Variants in MTX2 observed in about 807,000 individuals in gnomAD.
The protein encoded by MTX2 is metaxin 2.
MTX2 carries 35 observed loss-of-function variants against 42.3 expected under a neutral mutation model. The observed-to-expected ratio is 0.83, with a 90% CI of 0.63 to 1.10. MTX2 has a LOEUF of 1.10. MTX2 is among the 50% of genes least tolerant of loss of function. The pLI, the probability that MTX2 is intolerant of heterozygous loss-of-function variation, is 0.00. For synonymous variants in MTX2, 119 were observed against 100.9 expected (o/e 1.18, Z -1.08); for missense variants, 307 against 304.1 (o/e 1.01, Z -0.07).
At chr2:176,293,238 TAAGAA>T (rs908020086) in intron 1 of MTX2, among the ~76,000 whole-genome samples, 20 of 152,302 alleles carry the variant, frequency 1.3e-4, no homozygotes, top group Middle Eastern at 6.8e-3. Context: ...TGATCAGTCT[TAAGAA>T]AAAAATGCTT....
At position 176,329,360 on chromosome 2, in the gene MTX2, T is replaced by C; in HGVS notation, c.477T>C (p.Tyr159=). 5 of 1,608,098 alleles carry C rather than the reference T, an allele frequency of 3.1e-6. No homozygotes were observed. Among genetic ancestry groups the C allele is most frequent in the Non-Finnish European group, 4.3e-6 (5 of 1,175,844 alleles). ...YPWPLNHILA[Y]QKQWEVKRKM... ...GGCCTCTGAATCATATTTTGGCCTA[T>C]CAAAAACAGTGGGAAGTCAAACGTA... Residue 159 remains tyrosine, a synonymous_variant, in exon 8 of 10, where the codon TAT becomes TAC. Transcript: ENST00000249442.
intron 3 of MTX2, among the ~76,000 whole-genome samples, chr2:176,320,536 C>T (rs945087777): frequency 7.2e-5 from 11 of 152,006 alleles, no homozygotes; most frequent in Middle Eastern, 3.2e-3. Flanking sequence ...CCTTCTATTT[C>T]GTAAAATATG....
At chr2:176,313,583 G>A (rs979102926) in intron 3 of MTX2, among the ~76,000 whole-genome samples, 2 of 151,740 alleles carry the variant, frequency 1.3e-5, no homozygotes, top group South Asian at 4.2e-4. Flanking sequence ...TAGTAGAGAC[G>A]GGGTTTCACC....
At chr2:176,271,442 C>T (rs1692803802) in intron 1 of MTX2, among the ~76,000 whole-genome samples, 1 of 152,088 alleles carries the variant, frequency 6.6e-6, no homozygotes. Context: ...AAAGACATCT[C>T]AAGTTAGTAC....
At chr2:176,276,747 G>A (rs1692955953) in intron 1 of MTX2, among the ~76,000 whole-genome samples, 1 of 152,008 alleles carries the variant, frequency 6.6e-6, no homozygotes, top group Non-Finnish European at 1.5e-5. Context: ...TACCATTTTG[G>A]ACAGCAGAAA....
intron 3 of MTX2, among the ~76,000 whole-genome samples, chr2:176,312,879 A>G (rs1268418474): frequency 1.3e-5 from 2 of 151,334 alleles, no homozygotes; most frequent in Non-Finnish European, 2.9e-5. Context: ...AAAAAAAAAA[A>G]AAAAAGAAAG....
intron 1 of MTX2, among the ~76,000 whole-genome samples, chr2:176,271,783 G>A (rs754222692): frequency 2.0e-5 from 3 of 152,156 alleles, no homozygotes; most frequent in Non-Finnish European, 4.4e-5. Flanking sequence ...GTAAAGACCA[G>A]TACTTAAAGA....
intron 3 of MTX2, among the ~76,000 whole-genome samples, chr2:176,301,827 A>G (rs905850596): frequency 6.6e-6 from 1 of 152,176 alleles, no homozygotes; most frequent in Admixed American, 6.5e-5. Flanking sequence ...TATCTTTGAA[A>G]TGGGATAAAG....
At chr2:176,282,913 A>G (rs2105400352) in intron 1 of MTX2, among the ~76,000 whole-genome samples, 1 of 152,278 alleles carries the variant, frequency 6.6e-6, no homozygotes, top group Non-Finnish European at 1.5e-5. Flanking sequence ...CATGTTGGTC[A>G]GGCTGGTCTC....
intron 1 of MTX2, among the ~76,000 whole-genome samples, chr2:176,287,856 T>A (rs1693242146): frequency 6.6e-6 from 1 of 152,046 alleles, no homozygotes; most frequent in South Asian, 2.1e-4. Flanking sequence ...GCAAATGTGT[T>A]TTTTAAGTAG....
chr2:176,309,644 T>A (rs1684246733), intron 3 of MTX2, among the ~76,000 whole-genome samples: 3 of 152,090 alleles, frequency 2.0e-5, no homozygotes, highest in South Asian at 4.1e-4. Flanking sequence ...TACCATTATG[T>A]AATGGCCTTC....
Position 176,328,945 on chromosome 2 carries a change from A to C in MTX2, c.417+33A>C, listed in dbSNP as rs762822434. ...GTTCTGTAACATTTATCTTAATTAAAATTTAATGAGAAAACACTTTTGCTC... is the reference window on the plus strand; with the variant it reads ...GTTCTGTAACATTTATCTTAATTAACATTTAATGAGAAAACACTTTTGCTC... On this transcript the variant is annotated intron_variant, in intron 7 of 9. Transcript: ENST00000249442. 3.2e-6 allele frequency: 5 copies of C among 1,569,138 alleles called. No homozygotes were observed. In the East Asian group the frequency reaches 1.1e-4, roughly 35 times the overall value.
At chr2:176,308,824 G>A (rs1684220561) in intron 3 of MTX2, among the ~76,000 whole-genome samples, 1 of 151,694 alleles carries the variant, frequency 6.6e-6, no homozygotes. Context: ...CAATTTTGTT[G>A]ATCTTTTTAA....
intron 1 of MTX2, among the ~76,000 whole-genome samples, chr2:176,278,392 A>G (rs1157223089): frequency 1.3e-5 from 2 of 152,108 alleles, no homozygotes; most frequent in Non-Finnish European, 2.9e-5. Flanking sequence ...AATTTTTGAA[A>G]ACTTTGATAA....
rs538111436 is a variant in MTX2 at position 176,317,192 on chromosome 2, C to T, written c.136-6200C>T. ...CATTATCTGCCTGTTATGTACCAGG[C>T]GCATAACTTCTTTCCTTCCTTTTTT... On this transcript the variant is annotated intron_variant, in intron 3 of 9. Coordinates refer to ENST00000249442, the MANE Select transcript of MTX2 (RefSeq NM_006554.5). 7.9e-5 allele frequency among the ~76,000 whole-genome samples: 12 copies of T among 152,054 alleles called. No homozygotes were observed. In the South Asian group the frequency reaches 1.2e-3, roughly 16 times the overall value.
chr2:176,337,758 A>G lies in MTX2; in HGVS notation c.*94A>G. The G allele has an allele frequency of 8.3e-7, 1 of 1,207,182 alleles. No individual in the cohort carries two copies. Among genetic ancestry groups the G allele is most frequent in the Non-Finnish European group, 1.1e-6 (1 of 878,486 alleles). 74.8% of individuals were successfully genotyped at this position (1,207,182 alleles called of 1,614,324 possible). On this transcript the variant is annotated 3_prime_UTR_variant, in exon 10 of 10. Transcript: ENST00000249442. ...GGTGTCAGAATTTTAAAACCAAATT[A>G]CTGCTTTTTGAAACCTCAAATTATA...
intron 9 of MTX2, among the ~76,000 whole-genome samples, chr2:176,332,229 G>A (rs868830582): frequency 6.6e-6 from 1 of 151,122 alleles, no homozygotes; most frequent in Non-Finnish European, 1.5e-5. Flanking sequence ...AATTTTATTC[G>A]ATCATTTAAT....
intron 1 of MTX2, among the ~76,000 whole-genome samples, chr2:176,274,482 T>C (rs1051167318): frequency 2.6e-5 from 4 of 152,186 alleles, no homozygotes; most frequent in Non-Finnish European, 5.9e-5. Context: ...GATGGGTATT[T>C]AGAGAGTTGT....
chr2:176,336,019 T>C (rs998198615), intron 9 of MTX2, among the ~76,000 whole-genome samples: 12 of 152,140 alleles, frequency 7.9e-5, no homozygotes, highest in African/African-American at 2.9e-4. Flanking sequence ...TAGTAAGTGA[T>C]AGTATTGGAG....
Sources: gnomAD v4.1 joint callset for allele counts (sites outside exome capture counted in the v4.1 genomes callset) on GRCh38, gnomAD v4.1.1 for gene constraint, MANE v1.5 for transcripts, NCBI Gene and HGNC (gene_info 2026-07-23, HGNC 2026-07-21) for gene names.